CEMIP: variants seen among roughly 807,000 people sequenced by gnomAD.
CEMIP encodes cell migration-inducing and hyaluronan-binding protein.
CEMIP carries 105 observed loss-of-function variants against 156.9 expected under a neutral mutation model. The ratio of observed to expected loss-of-function variants is 0.67; its 90% CI spans 0.57 to 0.79. The LOEUF is 0.79. Ranked by LOEUF, CEMIP falls within the 30% of genes least tolerant of loss-of-function variation. CEMIP has a pLI of 0.00. For missense variants in CEMIP, 1,457 were observed against 1,769.4 expected (o/e 0.82, Z 3.17); for synonymous variants, 676 against 668.4 (o/e 1.01, Z -0.17).
At chr15:80,931,617 C>G (rs1230151423) in intron 21 of CEMIP, among the ~76,000 whole-genome samples, 1 of 151,912 alleles carries the variant, frequency 6.6e-6, no homozygotes, top group Non-Finnish European at 1.5e-5. Flanking sequence ...GGCAGTCATT[C>G]ATTGACACTT....
intron 1 of CEMIP, among the ~76,000 whole-genome samples, chr15:80,822,315 A>G (rs916995893): frequency 3.9e-5 from 6 of 152,290 alleles, no homozygotes; most frequent in African/African-American, 1.4e-4. Context: ...CTACCACCTC[A>G]GAGACCTTGC....
At chr15:80,855,837 G>C (rs761789256) in intron 1 of CEMIP, among the ~76,000 whole-genome samples, 3 of 152,126 alleles carry the variant, frequency 2.0e-5, no homozygotes, top group Non-Finnish European at 4.4e-5. Flanking sequence ...CCTTCTTTTT[G>C]CTCCCAAATC....
chr15:80,943,358 C>T (rs1224001871), intron 28 of CEMIP, among the ~76,000 whole-genome samples: 2 of 152,214 alleles, frequency 1.3e-5, no homozygotes, highest in Non-Finnish European at 2.9e-5. Context: ...GGAAGGTTGC[C>T]CTGGCCCTCT....
At chr15:80,867,843 A>G (rs1204703654) in intron 1 of CEMIP, among the ~76,000 whole-genome samples, 2 of 152,134 alleles carry the variant, frequency 1.3e-5, no homozygotes, top group African/African-American at 4.8e-5. Context: ...CTGGGGAGGA[A>G]CAAGTGGCAG....
At position 80,910,825 on chromosome 15, in the gene CEMIP, G is replaced by A. The variant is rs184175119; in HGVS notation, c.1797+1519G>A. Among the ~76,000 whole-genome samples, 300 of 152,334 alleles carry A rather than the reference G, an allele frequency of 2.0e-3. 1 individual carries two copies. The highest frequency in any genetic ancestry group is 3.1e-3 in the Non-Finnish European group (211 of 68,028). On this transcript the variant is annotated intron_variant, in intron 14 of 29. Coordinates refer to ENST00000394685, the MANE Select transcript of CEMIP (RefSeq NM_001293298.2). ...TGTGGAGATGCTGTCCACACATGAA[G>A]GCTGATTCTCCCCAGCAGGTGGTAG...
rs535911977 is a variant in CEMIP, at chr15:80,824,752, G to A, written c.-176+45138G>A. Reference sequence around the variant, plus strand: ...TAGTTGGAAAGATGGTTACTAAATAGGAAAGGCTCATTGTCTCTTGTCTTT... The same window carrying A: ...TAGTTGGAAAGATGGTTACTAAATAAGAAAGGCTCATTGTCTCTTGTCTTT... On this transcript the variant is annotated intron_variant, in intron 1 of 29. Coordinates refer to ENST00000394685, the MANE Select transcript of CEMIP (RefSeq NM_001293298.2). Among the ~76,000 whole-genome samples the A allele has an allele frequency of 2.9e-4, 44 of 152,300 alleles. No homozygotes were observed. The South Asian group carries it at 8.7e-3, about 30-fold the overall frequency.
rs753942997 is a variant in CEMIP at position 80,889,541 on chromosome 15, C to A, written c.1035C>A (p.Asp345Glu). The A allele has an allele frequency of 1.2e-6, 2 of 1,614,030 alleles. No homozygotes were observed. Among genetic ancestry groups the A allele is most frequent in the African/African-American group, 1.3e-5 (1 of 74,922 alleles). The change falls in exon 10 of 30, where the codon GAC (aspartate) becomes GAA (glutamate). Residue 345 changes from aspartate to glutamate, a missense_variant. Around this residue, in one of 5 missense-constraint regions of CEMIP, gnomAD observed 280 missense variants for 300.3 expected, o/e 0.93. Transcript: ENST00000394685. ...CTAAAGGTGGGGAGAAAATTTCAGA[C>A]CTCTGGAAAGCTCACCCAGGAAAAA... ...SQTKGGEKIS[D>E]LWKAHPGKIC...
chr15:80,920,189 C>T lies in CEMIP; in HGVS notation c.1893C>T (p.Leu631=), dbSNP rs1900420103. 6.2e-7 allele frequency: 1 copy of T among 1,614,188 alleles called. No individual in the cohort carries two copies. The highest frequency in any genetic ancestry group is 8.5e-7 in the Non-Finnish European group (1 of 1,180,032). ...ACACTTTTGACCACTGTCTTGGCCT[C>T]CTTGTCAAGTCTGGAACCCTCCTCC... is the stretch of plus-strand genomic sequence containing the variant. ...ERNTFDHCLG[L]LVKSGTLLPS... is the part of the protein sequence containing the mutation. The change falls in exon 15 of 30, where the codon CTC becomes CTT. Residue 631 remains leucine, a synonymous_variant. Coordinates refer to ENST00000394685, the MANE Select transcript of CEMIP (RefSeq NM_001293298.2).
At chr15:80,881,749 G>A (rs1236532833) in intron 6 of CEMIP, among the ~76,000 whole-genome samples, 1 of 152,194 alleles carries the variant, frequency 6.6e-6, no homozygotes, top group Admixed American at 6.5e-5. Flanking sequence ...AGAAGAGCAT[G>A]ATCTGATTTA....
chr15:80,838,766 A>G (rs1897321186), intron 1 of CEMIP, among the ~76,000 whole-genome samples: 1 of 152,126 alleles, frequency 6.6e-6, no homozygotes, highest in Admixed American at 6.5e-5. Context: ...TTCTCTCTTC[A>G]GAAGTATAAG....
chr15:80,834,144 G>A (rs28770306), intron 1 of CEMIP, among the ~76,000 whole-genome samples: 3,734 of 152,174 alleles, frequency 0.025, 161 homozygotes, highest in African/African-American at 0.085. Context: ...GTCCTGAGGG[G>A]GTTGGAAAAA....
In CEMIP at chr15:80,825,874, C is replaced by T. The variant is rs143964223; in HGVS notation, c.-176+46260C>T. On this transcript the variant is annotated intron_variant, in intron 1 of 29. Transcript: ENST00000394685. ...CCGACTGTCCTCTGACCATCACAGA[C>T]TGCCCGAGGGCACATTTGTCTGTTA... 1.2e-3 allele frequency among the ~76,000 whole-genome samples: 184 copies of T among 152,332 alleles called. No homozygotes were observed. The Middle Eastern group carries it at 0.014, about 11-fold the overall frequency.
chr15:80,839,315 T>TGTGTGTGTGTGTGC (rs1897336840), intron 1 of CEMIP, among the ~76,000 whole-genome samples: 1 of 151,384 alleles, frequency 6.6e-6, no homozygotes, highest in South Asian at 2.1e-4. Flanking sequence ...TGTGTGTGTG[T>TGTGTGTGTGTGTGC]GTGTGTGTGT....
chr15:80,866,325 C>G (rs1185037704), intron 1 of CEMIP, among the ~76,000 whole-genome samples: 2 of 152,188 alleles, frequency 1.3e-5, no homozygotes, highest in Non-Finnish European at 2.9e-5. Flanking sequence ...CACGTTGGCT[C>G]AAGCCTGTAA....
At chr15:80,885,562 A>ACGGCCT (rs1272439769) in intron 7 of CEMIP, among the ~76,000 whole-genome samples, 1 of 152,212 alleles carries the variant, frequency 6.6e-6, no homozygotes, top group Non-Finnish European at 1.5e-5. Context: ...CTGACTATTT[A>ACGGCCT]CGGCCTCAGC....
At chr15:80,789,737 A>G (rs974814998) in intron 1 of CEMIP, among the ~76,000 whole-genome samples, 2 of 152,182 alleles carry the variant, frequency 1.3e-5, no homozygotes, top group African/African-American at 4.8e-5. Context: ...TTAAAATCAC[A>G]GTGTAATGTT....
intron 25 of CEMIP, 65 bp downstream of exon 25, chr15:80,938,044 C>A: frequency 7.3e-7 from 1 of 1,361,574 alleles, no homozygotes; most frequent in Non-Finnish European, 1.0e-6. Context: ...TTGGCCTTTC[C>A]AATAAGTCTA....
intron 14 of CEMIP, among the ~76,000 whole-genome samples, chr15:80,914,232 T>C (rs1017676969): frequency 1.3e-5 from 2 of 152,236 alleles, no homozygotes; most frequent in African/African-American, 2.4e-5. Flanking sequence ...AGTAATGGAA[T>C]GGTCCAGTAC....
chr15:80,796,394 C>T (rs1042221244), intron 1 of CEMIP, among the ~76,000 whole-genome samples: 16 of 152,182 alleles, frequency 1.1e-4, no homozygotes, highest in Admixed American at 9.2e-4. Context: ...AATGTGTGCT[C>T]TCAGTGGGTC....
Sources: allele counts gnomAD v4.1 joint callset (sites outside exome capture counted in the v4.1 genomes callset), GRCh38; gene constraint gnomAD v4.1.1; regional missense constraint gnomAD v4.1.1; transcripts MANE v1.5; gene names NCBI Gene and HGNC (gene_info 2026-07-23, HGNC 2026-07-21).